CCSER1: variants seen among roughly 807,000 people sequenced by gnomAD.
The protein encoded by CCSER1 is coiled-coil serine rich protein 1, also known as serine-rich coiled-coil domain-containing protein 1.
In CCSER1, 41 loss-of-function variants were observed where a neutral mutation model predicts 82.0. That is an observed-to-expected ratio of 0.50 (90% CI 0.39 to 0.65). The LOEUF (loss-of-function observed/expected upper bound fraction) is 0.65. Among genes scored for constraint, CCSER1 ranks in the 30% least tolerant of loss-of-function variants. The probability of loss-of-function intolerance (pLI) is 0.00; values close to 1 mark genes in which losing one functional copy is unlikely to be tolerated. For synonymous variants in CCSER1, 414 were observed against 383.9 expected, an observed-to-expected ratio of 1.08 and a Z score of -0.92; for missense variants, 1,119 against 1,064.2, an observed-to-expected ratio of 1.05 and a Z score of -0.72.
chr4:90,403,325 C>A (rs1004963779), intron 4 of CCSER1, among the ~76,000 whole-genome samples: 8 of 151,232 alleles, frequency 5.3e-5, no homozygotes, highest in Non-Finnish European at 8.8e-5. Context: ...CGGTGAAACC[C>A]CGTCTCTACT....
intron 10 of CCSER1, among the ~76,000 whole-genome samples, chr4:91,376,186 A>G (rs1299603444): frequency 6.6e-6 from 1 of 152,232 alleles, no homozygotes; most frequent in Non-Finnish European, 1.5e-5. Flanking sequence ...CCAACAGGAA[A>G]TACAGTCGTG....
At position 90,809,336 on chromosome 4, in the gene CCSER1, ACACACG is replaced by A. The variant is rs1283955748; in HGVS notation, c.2011-6420_2011-6415del. 4.1e-5 allele frequency among the ~76,000 whole-genome samples: 6 copies of A among 144,936 alleles called. No individual in the cohort carries two copies. The South Asian group carries it at 6.9e-4, about 17-fold the overall frequency. On this transcript the variant is annotated intron_variant, in intron 7 of 10. Coordinates refer to ENST00000509176, the MANE Select transcript of CCSER1 (RefSeq NM_001145065.2). ...TACACACACACACACACACACACAC[ACACACG>A]CACACACACAGCACACACTGTGGAA...
At chr4:90,243,858 G>A (rs1347288736) in intron 1 of CCSER1, among the ~76,000 whole-genome samples, 3 of 145,764 alleles carry the variant, frequency 2.1e-5, no homozygotes, top group Non-Finnish European at 4.5e-5. Flanking sequence ...TTTTTTTTTC[G>A]CTGTTGTAGC....
chr4:90,893,206 A>C (rs1160200115), intron 8 of CCSER1, among the ~76,000 whole-genome samples: 2 of 151,462 alleles, frequency 1.3e-5, no homozygotes, highest in Non-Finnish European at 2.9e-5. Flanking sequence ...AAAGTCCCAC[A>C]CACCACCAAC....
At chr4:91,295,435 AT>A (rs1160215701) in intron 10 of CCSER1, among the ~76,000 whole-genome samples, 10 of 151,958 alleles carry the variant, frequency 6.6e-5, no homozygotes, top group Non-Finnish European at 1.5e-4. Context: ...TACCATAAAG[AT>A]TTTGAGTACA....
chr4:90,491,429 G>A (rs1767994616), intron 5 of CCSER1, among the ~76,000 whole-genome samples: 1 of 152,070 alleles, frequency 6.6e-6, no homozygotes, highest in Non-Finnish European at 1.5e-5. Flanking sequence ...GAGACGATGG[G>A]GTTTTCTAAA....
chr4:90,731,720 A>G (rs1056266588), intron 7 of CCSER1, among the ~76,000 whole-genome samples: 1 of 152,200 alleles, frequency 6.6e-6, no homozygotes, highest in African/African-American at 2.4e-5. Flanking sequence ...TATTATTTAT[A>G]CTATGTATAT....
intron 9 of CCSER1, among the ~76,000 whole-genome samples, chr4:91,001,662 G>A (rs1435616584): frequency 2.6e-5 from 4 of 152,128 alleles, no homozygotes; most frequent in Non-Finnish European, 4.4e-5. Context: ...TGTTAGGTGA[G>A]TCTCTTGAGA....
intron 5 of CCSER1, among the ~76,000 whole-genome samples, chr4:90,524,585 C>T (rs1773519143): frequency 6.6e-6 from 1 of 152,126 alleles, no homozygotes; most frequent in Admixed American, 6.5e-5. Flanking sequence ...TCTCCTGCCT[C>T]AACCTCCCGA....
intron 8 of CCSER1, among the ~76,000 whole-genome samples, chr4:90,894,038 A>G (rs1414352532): frequency 6.6e-6 from 1 of 152,030 alleles, no homozygotes; most frequent in East Asian, 1.9e-4. Context: ...GATGTTCTGA[A>G]ATAGGGCCTT....
chr4:91,071,647 G>T (rs770047491), intron 9 of CCSER1, among the ~76,000 whole-genome samples: 1 of 151,986 alleles, frequency 6.6e-6, no homozygotes, highest in Non-Finnish European at 1.5e-5. Context: ...CTATTTGAGT[G>T]CATTCTCTCT....
intron 5 of CCSER1, among the ~76,000 whole-genome samples, chr4:90,574,677 C>T (rs116088426): frequency 0.012 from 1,874 of 151,602 alleles, 35 homozygotes; most frequent in African/African-American, 0.04. Context: ...GCACAATTCT[C>T]GGTGCATAAA....
intron 10 of CCSER1, among the ~76,000 whole-genome samples, chr4:91,500,554 A>G (rs1759151992): frequency 1.3e-5 from 2 of 151,928 alleles, no homozygotes; most frequent in Admixed American, 6.6e-5. Context: ...ACTACAGTCA[A>G]TTTTTGTGAA....
At position 91,136,681 on chromosome 4, in the gene CCSER1, CAA is replaced by C. The variant is rs200026208; in HGVS notation, c.2217+50689_2217+50690del. ...AAAAAATGAAAAGTATGAATTTATT[CAA>C]ACTTTACCCAATATGAAATATCACT... On this transcript the variant is annotated intron_variant, in intron 10 of 10. Transcript: ENST00000509176. 9.8e-3 allele frequency among the ~76,000 whole-genome samples: 1,487 copies of C among 152,222 alleles called. 10 individuals are homozygous for C. Among genetic ancestry groups the C allele is most frequent in the African/African-American group, 0.023 (936 of 41,558 alleles).
At chr4:91,496,276 G>C (rs1162478372) in intron 10 of CCSER1, among the ~76,000 whole-genome samples, 1 of 151,050 alleles carries the variant, frequency 6.6e-6, no homozygotes, top group African/African-American at 2.4e-5. Flanking sequence ...GAGAGCAAAG[G>C]CTTGTTTTTC....
At chr4:91,520,147 CTAATT>C (rs1217754536) in intron 10 of CCSER1, among the ~76,000 whole-genome samples, 1 of 151,988 alleles carries the variant, frequency 6.6e-6, no homozygotes, top group Non-Finnish European at 1.5e-5. Flanking sequence ...GTGCACTGTA[CTAATT>C]TATTTCCTTT....
intron 3 of CCSER1, among the ~76,000 whole-genome samples, chr4:90,399,800 GA>G (rs970178723): frequency 7.3e-5 from 11 of 151,056 alleles, no homozygotes; most frequent in Admixed American, 1.3e-4. Context: ...CATTAAAAAA[GA>G]AAAAAAATGA....
At chr4:90,772,967 ATGTT>A (rs1752408173) in intron 7 of CCSER1, among the ~76,000 whole-genome samples, 1 of 152,160 alleles carries the variant, frequency 6.6e-6, no homozygotes, top group African/African-American at 2.4e-5. Flanking sequence ...GAGGCCAGGC[ATGTT>A]GGCTTATGCC....
intron 7 of CCSER1, among the ~76,000 whole-genome samples, chr4:90,732,953 G>A (rs752151695): frequency 2.0e-5 from 3 of 152,004 alleles, no homozygotes; most frequent in Non-Finnish European, 4.4e-5. Context: ...TGGATTATTT[G>A]CAAATCTTGA....
Sources: gnomAD v4.1 joint callset for allele counts (sites outside exome capture counted in the v4.1 genomes callset) on GRCh38, gnomAD v4.1.1 for gene constraint, MANE v1.5 for transcripts, NCBI Gene and HGNC (gene_info 2026-07-23, HGNC 2026-07-21) for gene names.